APOL5: variants seen among roughly 807,000 people sequenced by gnomAD.
APOL5 encodes the protein apolipoprotein L, 5.
In APOL5, 29 loss-of-function variants were observed where a neutral mutation model predicts 35.5. The ratio of observed to expected loss-of-function variants is 0.82; its 90% confidence interval spans 0.61 to 1.11. The LOEUF is 1.11. Among genes scored for constraint, APOL5 ranks in the 50% most tolerant of loss-of-function variants. The pLI is 0.00. For synonymous variants in APOL5, 188 were observed against 200.2 expected (o/e 0.94, Z 0.51); for missense variants, 514 against 530.4 (o/e 0.97, Z 0.30).
chr22:35,727,105 AC>A lies in APOL5; in HGVS notation c.1039del (p.His347ThrfsTer52), dbSNP rs1927194709. 2 of 1,609,880 alleles carry A rather than the reference AC, an allele frequency of 1.2e-6. No homozygotes were observed. Among genetic ancestry groups the A allele is most frequent in the Non-Finnish European group, 1.7e-6 (2 of 1,180,004 alleles). ...CAGGAGCTGGACCGGCTCACCCAGC[AC>A]CACCGGCACCTGCCGCAGAAGGCGA... is the stretch of plus-strand genomic sequence containing the variant. ...LEQELDRLTQ[H>X]HRHLPQKASQ... On this transcript the variant is annotated frameshift_variant, in exon 3 of 5. Transcript: ENST00000249044. LOFTEE classifies it high-confidence loss of function.
intron 3 of APOL5, 141 bp downstream of exon 3, chr22:35,727,335 C>G: frequency 7.9e-7 from 1 of 1,260,954 alleles, no homozygotes; most frequent in South Asian, 1.5e-5. Context: ...TTGCCGCACA[C>G]CCCTGACATT....
intron 1 of APOL5, among the ~76,000 whole-genome samples, chr22:35,720,066 C>A (rs886944293): frequency 6.6e-6 from 1 of 152,190 alleles, no homozygotes; most frequent in Non-Finnish European, 1.5e-5. Context: ...GTGTTCCTCT[C>A]GATGTCCAGC....
intron 1 of APOL5, among the ~76,000 whole-genome samples, chr22:35,720,185 T>C (rs1350414217): frequency 6.6e-6 from 1 of 152,230 alleles, no homozygotes; most frequent in Non-Finnish European, 1.5e-5. Flanking sequence ...CTTAGATCCA[T>C]GGGCCCAGGC....
At chr22:35,712,934 G>C (rs891146593), upstream of APOL5, among the ~76,000 whole-genome samples, 1 of 152,170 alleles carries the variant, frequency 6.6e-6, no homozygotes, top group Non-Finnish European at 1.5e-5. Context: ...TCCTCATTTA[G>C]TCCTATCGTC....
intron 1 of APOL5, among the ~76,000 whole-genome samples, chr22:35,719,308 T>C (rs990873252): frequency 1.3e-5 from 2 of 152,142 alleles, no homozygotes; most frequent in East Asian, 3.9e-4. Flanking sequence ...GAAGCTGCAA[T>C]GTGAGAGAGA....
At chr22:35,715,669 A>G (rs979912029), upstream of APOL5, among the ~76,000 whole-genome samples, 3 of 152,142 alleles carry the variant, frequency 2.0e-5, no homozygotes, top group African/African-American at 7.2e-5. Context: ...ATATACATAC[A>G]TACATAAAAA....
At chr22:35,725,651 G>A (rs1236226781) in intron 2 of APOL5, among the ~76,000 whole-genome samples, 3 of 152,040 alleles carry the variant, frequency 2.0e-5, no homozygotes, top group African/African-American at 4.8e-5. Flanking sequence ...ATAGGATGTC[G>A]AAGTCGCCCT....
Position 35,717,879 on chromosome 22 carries a change from G to A in APOL5, c.8G>A (p.Cys3Tyr). Reference sequence around the variant, plus strand: ...TTTTAAAAAATCTAAAGCATGCCATGTGGCAAACAAGGAAATTTGCAAGTT... The same window carrying A: ...TTTTAAAAAATCTAAAGCATGCCATATGGCAAACAAGGAAATTTGCAAGTT... MP[C>Y]GKQGNLQVPG... The change falls in exon 1 of 5, where the codon TGT becomes TAT. Residue 3 changes from cysteine (C) to tyrosine (Y), a missense_variant. Coordinates refer to ENST00000249044, the MANE Select transcript of APOL5 (RefSeq NM_030642.1). 4 of 1,579,352 alleles carry A rather than the reference G, an allele frequency of 2.5e-6. No individual in the cohort carries two copies. The highest frequency in any genetic ancestry group is 3.4e-6 in the Non-Finnish European group (4 of 1,162,646).
At chr22:35,712,550 AT>A in the APOL5 span, among the ~76,000 whole-genome samples, 2 of 152,208 alleles carry the variant, frequency 1.3e-5, no homozygotes, top group Middle Eastern at 3.4e-3. Context: ...TTTCCTAATG[AT>A]TAGAGGTGTT....
chr22:35,720,541 A>C (rs369787137), intron 1 of APOL5, 27 bp from the exon 2 acceptor site: 2 of 1,610,594 alleles, frequency 1.2e-6, no homozygotes, highest in Non-Finnish European at 1.7e-6. Context: ...TCAAGAAGAA[A>C]TGTCCCTGAT....
At chr22:35,718,788 C>T (rs1453223973) in intron 1 of APOL5, among the ~76,000 whole-genome samples, 2 of 150,312 alleles carry the variant, frequency 1.3e-5, no homozygotes, top group East Asian at 2.0e-4. Context: ...CCAGGCACAG[C>T]GGCTCATGCC....
chr22:35,713,628 A>C (rs560438954), upstream of APOL5, among the ~76,000 whole-genome samples: 7 of 152,208 alleles, frequency 4.6e-5, no homozygotes, highest in East Asian at 1.4e-3. Flanking sequence ...CTTCTTTAGG[A>C]GGGGAAGCTG....
chr22:35,717,235 A>AAAAAAAAAAAAAAAAAAAATATATATAT, upstream of APOL5, among the ~76,000 whole-genome samples: 39 of 57,624 alleles, frequency 6.8e-4, no homozygotes, highest in Non-Finnish European at 1.1e-3. Flanking sequence ...AAAAAAAAAA[A>AAAAAAAAAAAAAAAAAAAATATATATAT]ATATATATAT....
chr22:35,726,169 C>T (rs775827379), intron 2 of APOL5, 42 bp from the exon 3 acceptor site: 1 of 1,583,694 alleles, frequency 6.3e-7, no homozygotes, highest in Non-Finnish European at 8.6e-7. Context: ...GGCTCTGCCT[C>T]CTGCACACAT....
upstream of APOL5, among the ~76,000 whole-genome samples, chr22:35,713,639 C>G (rs529513269): frequency 7.2e-5 from 11 of 152,296 alleles, no homozygotes; most frequent in East Asian, 1.7e-3. Context: ...GGGGAAGCTG[C>G]CTCTCTTCCG....
the APOL5 span, among the ~76,000 whole-genome samples, chr22:35,711,114 A>T: frequency 6.6e-6 from 1 of 152,190 alleles, no homozygotes; most frequent in African/African-American, 2.4e-5. Context: ...AGGTTGCAGT[A>T]AGCCAAGATC....
At chr22:35,723,881 C>G (rs1323559034) in intron 2 of APOL5, among the ~76,000 whole-genome samples, 1 of 152,200 alleles carries the variant, frequency 6.6e-6, no homozygotes, top group South Asian at 2.1e-4. Context: ...GGCTTGAACT[C>G]TGGAGGCGGA....
chr22:35,721,257 G>A (rs1367694257), intron 2 of APOL5, among the ~76,000 whole-genome samples: 2 of 152,028 alleles, frequency 1.3e-5, no homozygotes, highest in African/African-American at 4.8e-5. Flanking sequence ...AAAACCTTTG[G>A]TAAGGGCAGG....
upstream of APOL5, among the ~76,000 whole-genome samples, chr22:35,715,169 C>A (rs1472831953): frequency 6.6e-6 from 1 of 152,026 alleles, no homozygotes; most frequent in Non-Finnish European, 1.5e-5. Context: ...ATGGACAGAC[C>A]CAGAACCTGT....
Sources: gnomAD v4.1 joint callset for allele counts (sites outside exome capture counted in the v4.1 genomes callset) on GRCh38, gnomAD v4.1.1 for gene constraint, MANE v1.5 for transcripts, NCBI Gene and HGNC (gene_info 2026-07-23, HGNC 2026-07-21) for gene names.